Variants in HLA-G observed in about 807,000 individuals in gnomAD.
HLA-G encodes major histocompatibility complex, class I, G.
Under a neutral mutation model 39.3 loss-of-function variants are expected in HLA-G, and 34 were observed. The ratio of observed to expected loss-of-function variants is 0.86; its 90% CI spans 0.66 to 1.15. The LOEUF is 1.15. Ranked by LOEUF, HLA-G falls within the 50% of genes most tolerant of loss-of-function variation. The probability of loss-of-function intolerance (pLI) is 0.00; values close to 1 mark genes in which losing one functional copy is unlikely to be tolerated. For synonymous variants in HLA-G, 183 were observed against 185.8 expected (o/e 0.99, Z 0.12); for missense variants, 419 against 456.4 (o/e 0.92, Z 0.75).
chr6:29,828,513 G>C, intron 2 of HLA-G, 30 bp from the exon 3 acceptor site: 1 of 1,604,074 alleles, frequency 6.2e-7, no homozygotes, highest in Non-Finnish European at 8.5e-7. Flanking sequence ...GAGGCTCGGT[G>C]GGCGGGGCTG....
chr6:29,827,738 A>G (rs773193878), upstream of HLA-G: 6 of 1,143,220 alleles, frequency 5.2e-6, no homozygotes, highest in Non-Finnish European at 7.9e-6. Flanking sequence ...CCCAGTTCTC[A>G]CTCCCATTAG....
upstream of HLA-G, chr6:29,827,300 G>A: frequency 2.9e-6 from 1 of 345,886 alleles, no homozygotes; most frequent in Non-Finnish European, 5.6e-6. Context: ...CCAGATTTAA[G>A]GGGGAAAAAA....
At chr6:29,829,285 CT>C (rs1761030491) in intron 3 of HLA-G, 132 bp from the exon 4 acceptor site, 1 of 981,562 alleles carries the variant, frequency 1.0e-6, no homozygotes, top group South Asian at 1.5e-5. Context: ...CGTGTCCAGG[CT>C]GGTGTCTGGG....
upstream of HLA-G, among the ~76,000 whole-genome samples, chr6:29,826,595 G>A (rs761187378): frequency 1.3e-5 from 2 of 152,196 alleles, no homozygotes; most frequent in African/African-American, 4.8e-5. Flanking sequence ...TGAGGGATGA[G>A]AGGGACGGAG....
rs536613482 is a variant in HLA-G, at chr6:29,828,644, G to T, written c.445G>T (p.Ala149Ser). The change falls in exon 3 of 7, where the codon GCC becomes TCC. Residue 149 changes from alanine to serine, a missense_variant. This residue lies in a region of HLA-G where 328 missense variants were observed against 323.0 expected (regional missense o/e 1.02). Coordinates refer to ENST00000360323, the MANE Select transcript of HLA-G (RefSeq NM_001384290.1). Reference sequence around the variant, plus strand: ...TGCCTACGATGGCAAGGATTACCTCGCCCTGAACGAGGACCTGCGCTCCTG... The same window carrying T: ...TGCCTACGATGGCAAGGATTACCTCTCCCTGAACGAGGACCTGCGCTCCTG... ...QYAYDGKDYL[A>S]LNEDLRSWTA... 6.2e-7 allele frequency: 1 copy of T among 1,613,098 alleles called. No homozygotes were observed. Among genetic ancestry groups the T allele is most frequent in the South Asian group, 1.1e-5 (1 of 91,088 alleles).
chr6:29,828,761 T>C lies in HLA-G; in HGVS notation c.562T>C (p.Cys188Arg). The C allele has an allele frequency of 6.2e-7, 1 of 1,613,972 alleles. No homozygotes were observed. ...EQRRAYLEGT[C>R]VEWLHRYLEN... ...AAGGAGAGCCTACCTGGAGGGCACG[T>C]GCGTGGAGTGGCTCCACAGATACCT... The change falls in exon 3 of 7, where the codon TGC (cysteine) becomes CGC (arginine). Residue 188 changes from cysteine (C) to arginine (R), a missense_variant. By Grantham distance (180) the Cys-to-Arg change is radical. This residue lies in a region of HLA-G where 328 missense variants were observed against 323.0 expected (regional missense o/e 1.02). Transcript: ENST00000360323.
At position 29,830,428 on chromosome 6, in the gene HLA-G, T is replaced by C. The variant is rs778879258; in HGVS notation, c.*28+18T>C. 1 of 1,608,310 alleles carries C rather than the reference T, an allele frequency of 6.2e-7. No homozygotes were observed. The highest frequency in any genetic ancestry group is 8.5e-7 in the Non-Finnish European group (1 of 1,174,786). On this transcript the variant is annotated intron_variant, in intron 6 of 6. Coordinates refer to ENST00000360323, the MANE Select transcript of HLA-G (RefSeq NM_001384290.1). ...GGCTGCAAGTAAGTATGAAGGAGGCTGATCCCTGAGATCCTTGGGATCTTG... is the reference window on the plus strand; with the variant it reads ...GGCTGCAAGTAAGTATGAAGGAGGCCGATCCCTGAGATCCTTGGGATCTTG...
chr6:29,827,347 C>T, upstream of HLA-G: 4 of 355,182 alleles, frequency 1.1e-5, no homozygotes, highest in South Asian at 8.9e-5. Context: ...AGGGCGAGCT[C>T]ACTCTCTGGC....
chr6:29,827,744 A>G, upstream of HLA-G: 1 of 1,204,008 alleles, frequency 8.3e-7, no homozygotes, highest in Admixed American at 1.8e-5. Flanking sequence ...TCTCACTCCC[A>G]TTAGGTGACA....
At position 29,828,617 on chromosome 6, in the gene HLA-G, T is replaced by C. The variant is rs778602107; in HGVS notation, c.418T>C (p.Tyr140His). ...ACGCCTCCTCCGCGGGTATGAACAGTATGCCTACGATGGCAAGGATTACCT... is the reference window on the plus strand; with the variant it reads ...ACGCCTCCTCCGCGGGTATGAACAGCATGCCTACGATGGCAAGGATTACCT... ...DGRLLRGYEQ[Y>H]AYDGKDYLAL... is the part of the protein sequence containing the mutation. Residue 140 changes from tyrosine (Y) to histidine (H), a missense_variant, in exon 3 of 7, where the codon TAT (tyrosine) becomes CAT (histidine). By Grantham distance (83) the Tyr-to-His change is moderately conservative. Around this residue, in one of 2 missense-constraint regions of HLA-G, gnomAD observed 328 missense variants for 323.0 expected, o/e 1.02. Transcript: ENST00000360323. 3 of 1,613,158 alleles carry C rather than the reference T, an allele frequency of 1.9e-6. No individual in the cohort carries two copies. The South Asian group carries it at 3.3e-5, about 18-fold the overall frequency.
intron 3 of HLA-G, 101 bp from the exon 4 acceptor site, chr6:29,829,317 C>A: frequency 7.6e-7 from 1 of 1,322,326 alleles, no homozygotes; most frequent in Non-Finnish European, 1.1e-6. Flanking sequence ...CCTTCCCCAC[C>A]CCAGGTATCT....
rs201927116 is a variant in HLA-G, at chr6:29,828,625, C to A, written c.426C>A (p.Tyr142Ter). 5.0e-6 allele frequency: 8 copies of A among 1,613,162 alleles called. No individual in the cohort carries two copies. Among genetic ancestry groups the A allele is most frequent in the African/African-American group, 2.7e-5 (2 of 74,932 alleles). ...TCCGCGGGTATGAACAGTATGCCTA[C>A]GATGGCAAGGATTACCTCGCCCTGA... Reference protein sequence around the residue: ...RLLRGYEQYAYDGKDYLALNE... With the variant: ...RLLRGYEQYA Residue 142 changes from tyrosine (Y) to a stop codon, truncating the protein, a stop_gained, in exon 3 of 7, where the codon TAC (tyrosine) becomes TAA (stop). Transcript: ENST00000360323. LOFTEE classifies it high-confidence loss of function.
intron 2 of HLA-G, 63 bp from the exon 3 acceptor site, chr6:29,828,480 C>T (rs1625035): frequency 0.52 from 821,231 of 1,575,594 alleles, 219,134 homozygotes; most frequent in South Asian, 0.71. Context: ...CCAAAATCCC[C>T]GCGGGTGGGT....
upstream of HLA-G, chr6:29,827,184 G>C (rs1202193567): frequency 6.6e-6 from 3 of 452,114 alleles, no homozygotes; most frequent in Admixed American, 4.9e-5. Context: ...TTACCGATTA[G>C]ATTCCTGATC....
At position 29,828,548 on chromosome 6, in the gene HLA-G, C is replaced by T. The variant is rs1217958499; in HGVS notation, c.349C>T (p.His117Tyr). 6.2e-7 allele frequency: 1 copy of T among 1,612,624 alleles called. No homozygotes were observed. Among genetic ancestry groups the T allele is most frequent in the African/African-American group, 1.3e-5 (1 of 75,056 alleles). Residue 117 changes from histidine to tyrosine, a missense_variant, in exon 3 of 7, where the codon CAC (histidine) becomes TAC (tyrosine). Physicochemically the swap from His to Tyr is moderately conservative, Grantham distance 83. Coordinates refer to ENST00000360323, the MANE Select transcript of HLA-G (RefSeq NM_001384290.1). ...GACCGAGGGGGTGGGGCCAGGTTCT[C>T]ACACCCTCCAGTGGATGATTGGCTG... ...GYYNQSEASS[H>Y]TLQWMIGCDL...
At chr6:29,827,978 G>C in intron 1 of HLA-G, 61 bp downstream of exon 1, 8 of 1,589,012 alleles carry the variant, frequency 5.0e-6, no homozygotes, top group Non-Finnish European at 6.8e-6. Context: ...CCGGCCCGGC[G>C]GGGGCGCAGG....
intron 4 of HLA-G, 42 bp from the exon 5 acceptor site, chr6:29,829,774 G>C (rs1476740947): frequency 6.2e-7 from 1 of 1,604,190 alleles, no homozygotes; most frequent in Non-Finnish European, 8.5e-7. Context: ...TCGGTGGTGA[G>C]GGCTGGGGGT....
In HLA-G at chr6:29,829,556, A is replaced by G. The variant is rs758072301; in HGVS notation, c.758A>G (p.Glu253Gly). The G allele has an allele frequency of 1.9e-6, 3 of 1,613,988 alleles. No homozygotes were observed. Among genetic ancestry groups the G allele is most frequent in the East Asian group, 2.2e-5 (1 of 44,870 alleles). ...RDGEDQTQDV[E>G]LVETRPAGDG... ...GGGGAGGACCAGACCCAGGACGTGG[A>G]GCTCGTGGAGACCAGGCCTGCAGGG... The change falls in exon 4 of 7, where the codon GAG becomes GGG. Residue 253 changes from glutamate to glycine, a missense_variant. Physicochemically the swap from Glu to Gly is moderately conservative, Grantham distance 98. Coordinates refer to ENST00000360323, the MANE Select transcript of HLA-G (RefSeq NM_001384290.1).
At chr6:29,827,718 A>G, upstream of HLA-G, 1 of 926,650 alleles carries the variant, frequency 1.1e-6, no homozygotes, top group Non-Finnish European at 1.7e-6. Context: ...CTGGATACTC[A>G]CCGGGCGGCC....
Sources: allele counts gnomAD v4.1 joint callset (sites outside exome capture counted in the v4.1 genomes callset), GRCh38; gene constraint gnomAD v4.1.1; regional missense constraint gnomAD v4.1.1; transcripts MANE v1.5; gene names NCBI Gene and HGNC (gene_info 2026-07-23, HGNC 2026-07-21).